Variants in ZNF177 observed in about 807,000 individuals in gnomAD.
The protein encoded by ZNF177 is zinc finger protein 177.
Under a neutral mutation model 19.4 loss-of-function variants are expected in ZNF177, and 17 were observed. The observed-to-expected ratio is 0.87, with a 90% CI of 0.60 to 1.31. ZNF177 has a LOEUF of 1.31. Ranked by LOEUF, ZNF177 falls within the 40% of genes most tolerant of loss-of-function variation. The pLI is 0.00. For missense variants in ZNF177, 633 were observed against 561.8 expected (o/e 1.13, Z -1.28); for synonymous variants, 220 against 188.7 (o/e 1.17, Z -1.36).
At chr19:9,381,804 C>T (rs1269877594) in exon 6 of ZNF177, 1 of 1,557,994 alleles carries the variant, frequency 6.4e-7, no homozygotes. Context: ...GTTTGTTGCC[C>T]CTCATGCCTC....
chr19:9,378,740 T>A, intron 2 of ZNF177: 1 of 680,770 alleles, frequency 1.5e-6, no homozygotes, highest in African/African-American at 1.8e-5. Context: ...TTAGAAAAGC[T>A]GTTTTGACCA....
intron 1 of ZNF177, among the ~76,000 whole-genome samples, chr19:9,363,611 G>A (rs2122465637): frequency 6.6e-6 from 1 of 152,222 alleles, no homozygotes; most frequent in Admixed American, 6.5e-5. Context: ...AAGTCAAGTT[G>A]TTGGGTCAAA....
At chr19:9,379,150 G>A (rs2068153088) in intron 3 of ZNF177, 62 bp downstream of exon 5, 6 of 1,524,930 alleles carry the variant, frequency 3.9e-6, no homozygotes, top group Non-Finnish European at 5.3e-6. Flanking sequence ...CACATATTAT[G>A]TTCCAGAATC....
chr19:9,366,712 G>A (rs2067985243), intron 2 of ZNF177, among the ~76,000 whole-genome samples: 1 of 152,188 alleles, frequency 6.6e-6, no homozygotes, highest in Non-Finnish European at 1.5e-5. Flanking sequence ...ACCTAGGAGT[G>A]GAATGCCTTG....
upstream of ZNF177, among the ~76,000 whole-genome samples, chr19:9,375,394 T>G (rs77259255): frequency 1.4e-3 from 209 of 152,308 alleles, 2 homozygotes; most frequent in African/African-American, 4.9e-3. Flanking sequence ...TTTTCCATTT[T>G]TTTGGAAGAG....
intron 2 of ZNF177, among the ~76,000 whole-genome samples, chr19:9,368,477 A>C (rs1253479270): frequency 6.6e-6 from 1 of 152,090 alleles, no homozygotes; most frequent in Non-Finnish European, 1.5e-5. Context: ...GTCTTTGAAG[A>C]ATTTTGCCCG....
At chr19:9,371,571 G>T (rs1334673951), upstream of ZNF177, 2 of 152,116 alleles carry the variant, frequency 1.3e-5, no homozygotes, top group African/African-American at 4.8e-5. Flanking sequence ...CATTGTTGCT[G>T]TTGAGATGTC....
chr19:9,381,100 G>C lies in ZNF177; in HGVS notation c.769G>C (p.Glu257Gln), dbSNP rs2068192316. 3 of 1,612,924 alleles carry C rather than the reference G, an allele frequency of 1.9e-6. No individual in the cohort carries two copies. In the South Asian group the frequency reaches 3.3e-5, roughly 18 times the overall value. The change falls in exon 6 of 6, where the codon GAA becomes CAA. Residue 257 changes from glutamate to glutamine, a missense_variant. Transcript: ENST00000589262. ...AACTGGTAGTGTGGAGGAGGGTTTG[G>C]AATGTAATGAACATGAGAAAACTTT...
rs988038629 is a variant in ZNF177 at position 9,379,315 on chromosome 19, A to G, written c.161-212A>G. 11 of 1,064,640 alleles carry G rather than the reference A, an allele frequency of 1.0e-5. No individual in the cohort carries two copies. In the East Asian group the frequency reaches 2.1e-4, roughly 20 times the overall value. 65.9% of individuals were successfully genotyped at this position (1,064,640 alleles called of 1,614,324 possible). ...TTGCAATCTGTGTCTCATCTTGTGT[A>G]TAGGTTTCAAGGGTCACTTCCATAT... On this transcript the variant is annotated intron_variant, in intron 3 of 5. Transcript: ENST00000589262.
chr19:9,380,965 T>A (rs762257029), exon 6 of ZNF177: 1 of 1,540,918 alleles, frequency 6.5e-7, no homozygotes, highest in Non-Finnish European at 8.7e-7. Flanking sequence ...ATGTGATATG[T>A]CCTTCAGCCT....
chr19:9,363,665 C>T (rs557777803), intron 1 of ZNF177, among the ~76,000 whole-genome samples: 2 of 152,314 alleles, frequency 1.3e-5, no homozygotes, highest in South Asian at 2.1e-4. Flanking sequence ...AGATCCCCCT[C>T]TATGGGACTT....
intron 2 of ZNF177, among the ~76,000 whole-genome samples, chr19:9,365,902 G>A (rs1479188464): frequency 6.6e-6 from 1 of 152,146 alleles, no homozygotes; most frequent in Non-Finnish European, 1.5e-5. Context: ...TTGGCTGGTC[G>A]GTCTGAGGAC....
At position 9,380,961 on chromosome 19, in the gene ZNF177, T is replaced by TA. The variant is rs1356352240; in HGVS notation, c.631dup (p.Met211AsnfsTer13). ...AGTTTCAGGAGTATGAGCAATGTGATATGTCCTTCAGCCTACACTCTTCCT... is the reference window on the plus strand; with the variant it reads ...AGTTTCAGGAGTATGAGCAATGTGATAATGTCCTTCAGCCTACACTCTTCCT... On this transcript the variant is annotated frameshift_variant, in exon 6 of 6. Transcript: ENST00000589262. LOFTEE classifies it low-confidence loss of function (END_TRUNC). 1 of 1,539,828 alleles carries TA rather than the reference T, an allele frequency of 6.5e-7. No individual in the cohort carries two copies. Among genetic ancestry groups the TA allele is most frequent in the African/African-American group, 1.4e-5 (1 of 73,126 alleles).
At chr19:9,379,547 A>G in exon 4 of ZNF177, 1 of 1,613,908 alleles carries the variant, frequency 6.2e-7, no homozygotes, top group Non-Finnish European at 8.5e-7. Context: ...CTGCAGACAC[A>G]GTCTGATCTC....
intron 1 of ZNF177, among the ~76,000 whole-genome samples, chr19:9,376,672 T>G (rs1224995199): frequency 1.3e-5 from 2 of 152,240 alleles, no homozygotes; most frequent in African/African-American, 4.8e-5. Flanking sequence ...TACAAACAAT[T>G]TATACTCTTC....
chr19:9,381,956 T>G, exon 6 of ZNF177: 1 of 935,618 alleles, frequency 1.1e-6, no homozygotes. Context: ...TCAGTGAGTA[T>G]TTCATTCTTA....
exon 6 of ZNF177, chr19:9,381,354 C>A (rs866155519): frequency 6.2e-7 from 1 of 1,610,934 alleles, no homozygotes. Flanking sequence ...AACCCTATGA[C>A]TGTAAGGAAT....
chr19:9,371,423 G>GT (rs2068045929), upstream of ZNF177, among the ~76,000 whole-genome samples: 1 of 151,982 alleles, frequency 6.6e-6, no homozygotes, highest in African/African-American at 2.4e-5. Flanking sequence ...TTTGCTGACT[G>GT]GTTTGTTTTC....
At chr19:9,373,637 T>A (rs1333175811), upstream of ZNF177, among the ~76,000 whole-genome samples, 3 of 152,204 alleles carry the variant, frequency 2.0e-5, no homozygotes. Context: ...ATATCTATTA[T>A]AACAAGTGTG....
Sources: allele counts gnomAD v4.1 joint callset (sites outside exome capture counted in the v4.1 genomes callset), GRCh38; gene constraint gnomAD v4.1.1; transcripts MANE v1.5; gene names NCBI Gene and HGNC (gene_info 2026-07-23, HGNC 2026-07-21).